The following SLCO3A1 variants were observed in gnomAD, a reference collection of about 807,000 sequenced individuals.
The protein encoded by SLCO3A1 is solute carrier organic anion transporter family member 3A1.
Under a neutral mutation model 63.1 loss-of-function variants are expected in SLCO3A1, and 27 were observed. That is an observed-to-expected ratio of 0.43 (90% CI 0.32 to 0.59). SLCO3A1 has a LOEUF of 0.59. SLCO3A1 is among the 20% of genes least tolerant of loss of function. The pLI, the probability that SLCO3A1 is intolerant of heterozygous loss-of-function variation, is 0.09. For missense variants in SLCO3A1, 773 were observed against 945.8 expected, an observed-to-expected ratio of 0.82 and a Z score of 2.40; for synonymous variants, 473 against 409.9, an observed-to-expected ratio of 1.15 and a Z score of -1.86.
At chr15:92,034,971 A>AT (rs1334329306) in intron 2 of SLCO3A1, among the ~76,000 whole-genome samples, 1 of 151,898 alleles carries the variant, frequency 6.6e-6, no homozygotes, top group Non-Finnish European at 1.5e-5. Context: ...AGGTTACCAC[A>AT]TTTTGCATCT....
chr15:92,148,400 T>C (rs2048258345), intron 8 of SLCO3A1, among the ~76,000 whole-genome samples: 1 of 152,246 alleles, frequency 6.6e-6, no homozygotes. Flanking sequence ...TTATTATGAA[T>C]TCCCAAGGAA....
At chr15:92,017,897 C>T (rs1725231553) in intron 2 of SLCO3A1, among the ~76,000 whole-genome samples, 1 of 152,124 alleles carries the variant, frequency 6.6e-6, no homozygotes, top group Non-Finnish European at 1.5e-5. Flanking sequence ...CACTAGCACA[C>T]TAGCCCACCA....
At chr15:92,092,621 C>G (rs369970963) in intron 2 of SLCO3A1, among the ~76,000 whole-genome samples, 1 of 152,028 alleles carries the variant, frequency 6.6e-6, no homozygotes, top group African/African-American at 2.4e-5. Flanking sequence ...GTGTGGGTGC[C>G]GCTTCTGACT....
intron 2 of SLCO3A1, among the ~76,000 whole-genome samples, chr15:92,002,607 T>C (rs1248960121): frequency 1.3e-5 from 2 of 152,172 alleles, no homozygotes; most frequent in African/African-American, 4.8e-5. Context: ...AATAATTAAT[T>C]TTATTTGCCT....
intron 2 of SLCO3A1, among the ~76,000 whole-genome samples, chr15:92,092,262 A>G (rs1369231165): frequency 6.6e-6 from 1 of 152,168 alleles, no homozygotes; most frequent in Non-Finnish European, 1.5e-5. Flanking sequence ...CCTTTGACCC[A>G]TTAAGTATTA....
exon 11 of SLCO3A1, chr15:92,171,916 C>G: frequency 7.5e-7 from 1 of 1,334,474 alleles, no homozygotes. Context: ...CACCCACAGA[C>G]CTCGCGGGCC....
At chr15:92,103,150 T>C (rs1257181539) in intron 3 of SLCO3A1, among the ~76,000 whole-genome samples, 1 of 152,210 alleles carries the variant, frequency 6.6e-6, no homozygotes, top group Non-Finnish European at 1.5e-5. Flanking sequence ...TGTGCGGTCA[T>C]TACTCTTCCC....
chr15:91,971,343 C>T (rs890095112), intron 2 of SLCO3A1, among the ~76,000 whole-genome samples: 19 of 128,702 alleles, frequency 1.5e-4, no homozygotes, highest in African/African-American at 4.6e-4. Flanking sequence ...TGCAGTGAGC[C>T]GAGGTCGTGC....
chr15:91,910,569 A>G (rs994958073), intron 1 of SLCO3A1, among the ~76,000 whole-genome samples: 2 of 152,230 alleles, frequency 1.3e-5, no homozygotes, highest in African/African-American at 2.4e-5. Context: ...TAATGTCCGC[A>G]GAAGCAAGTA....
intron 2 of SLCO3A1, among the ~76,000 whole-genome samples, chr15:92,028,917 G>GTGTGTGTGTGTGTGTGTGTC (rs1241544936): frequency 6.7e-6 from 1 of 148,770 alleles, no homozygotes; most frequent in East Asian, 2.0e-4. Flanking sequence ...AAGTGTGTGT[G>GTGTGTGTGTGTGTGTGTGTC]TGTGTGTGTG....
Position 92,128,339 on chromosome 15 carries a change from T to A in SLCO3A1, c.1374-12T>A. On this transcript the variant is annotated splice_polypyrimidine_tract_variant and intron_variant, in intron 6 of 9. Coordinates refer to ENST00000318445, the MANE Select transcript of SLCO3A1 (RefSeq NM_013272.4). Reference sequence around the variant, plus strand: ...TGTTTCTAATGGCTTCCGTGTTTCCTTTCTTTTCCAGCACAGCACCTGGCT... The same window carrying A: ...TGTTTCTAATGGCTTCCGTGTTTCCATTCTTTTCCAGCACAGCACCTGGCT... 1.2e-6 allele frequency: 2 copies of A among 1,613,402 alleles called. No individual in the cohort carries two copies. The highest frequency in any genetic ancestry group is 1.7e-6 in the Non-Finnish European group (2 of 1,179,794).
intron 2 of SLCO3A1, among the ~76,000 whole-genome samples, chr15:92,063,255 G>C (rs891919100): frequency 6.6e-6 from 1 of 152,148 alleles, no homozygotes; most frequent in Non-Finnish European, 1.5e-5. Flanking sequence ...GATGCTGATC[G>C]GGACCCCTTG....
intron 2 of SLCO3A1, among the ~76,000 whole-genome samples, chr15:92,015,528 C>A (rs1031186312): frequency 6.6e-6 from 1 of 152,110 alleles, no homozygotes; most frequent in East Asian, 1.9e-4. Context: ...CTACCCAGGT[C>A]TCTCCCTTGA....
At chr15:91,881,394 T>G (rs894737355) in intron 1 of SLCO3A1, among the ~76,000 whole-genome samples, 1 of 152,108 alleles carries the variant, frequency 6.6e-6, no homozygotes, top group African/African-American at 2.4e-5. Context: ...TATTCCTGGT[T>G]TGAGGTTGAT....
chr15:92,035,562 A>T (rs1458703900), intron 2 of SLCO3A1, among the ~76,000 whole-genome samples: 2 of 151,696 alleles, frequency 1.3e-5, no homozygotes, highest in Non-Finnish European at 2.9e-5. Flanking sequence ...TGACAACATG[A>T]GGCTAGCTCC....
intron 2 of SLCO3A1, among the ~76,000 whole-genome samples, chr15:91,937,271 TA>T (rs1899446584): frequency 6.6e-6 from 1 of 152,186 alleles, no homozygotes; most frequent in Non-Finnish European, 1.5e-5. Context: ...CTGCCTTACC[TA>T]GGGGGCAGGT....
intron 2 of SLCO3A1, among the ~76,000 whole-genome samples, chr15:91,922,491 G>A (rs115611451): frequency 6.5e-4 from 99 of 152,288 alleles, no homozygotes; most frequent in African/African-American, 1.3e-3. Context: ...TGATTAGTAC[G>A]AAGGGCCCCC....
At chr15:92,002,996 G>A (rs17695287) in intron 2 of SLCO3A1, among the ~76,000 whole-genome samples, 43,926 of 151,898 alleles carry the variant, frequency 0.29, 7,212 homozygotes, top group African/African-American at 0.43. Flanking sequence ...CTTATCTCAC[G>A]GAGTATTATA....
intron 2 of SLCO3A1, among the ~76,000 whole-genome samples, chr15:92,008,723 T>C (rs547411343): frequency 6.6e-6 from 1 of 152,344 alleles, no homozygotes; most frequent in South Asian, 2.1e-4. Context: ...AATGATGTTT[T>C]TCAGTGATAT....
Sources: allele counts gnomAD v4.1 joint callset (sites outside exome capture counted in the v4.1 genomes callset), GRCh38; gene constraint gnomAD v4.1.1; transcripts MANE v1.5; gene names NCBI Gene and HGNC (gene_info 2026-07-23, HGNC 2026-07-21).